The following SYCP2L variants were observed in gnomAD, a reference collection of about 807,000 sequenced individuals.
SYCP2L encodes synaptonemal complex protein 2-like.
In SYCP2L, 98 loss-of-function variants were observed where a neutral mutation model predicts 125.8. That is an observed-to-expected ratio of 0.78 (90% CI 0.66 to 0.92). SYCP2L has a LOEUF of 0.92. Ranked by LOEUF, SYCP2L falls within the 40% of genes least tolerant of loss-of-function variation. The probability of loss-of-function intolerance (pLI) is 0.00; values close to 1 mark genes in which losing one functional copy is unlikely to be tolerated. For synonymous variants in SYCP2L, 317 were observed against 325.4 expected, an observed-to-expected ratio of 0.97 and a Z score of 0.28; for missense variants, 842 against 936.4, an observed-to-expected ratio of 0.90 and a Z score of 1.32.
chr6:10,956,172 A>G lies in SYCP2L; in HGVS notation c.2093A>G (p.Glu698Gly), dbSNP rs1366267393. ...ACTTCATCCCTAGAAGTTGTGCCAGAGAACTTGAACGGTTCTGCCATTCTC... is the reference window on the plus strand; with the variant it reads ...ACTTCATCCCTAGAAGTTGTGCCAGGGAACTTGAACGGTTCTGCCATTCTC... ...ISTSSLEVVP[E>G]NLNGSAILPT... The change falls in exon 25 of 30, where the codon GAG becomes GGG. Residue 698 changes from glutamate (E) to glycine (G), a missense_variant. Physicochemically the swap from Glu to Gly is moderately conservative, Grantham distance 98. Coordinates refer to ENST00000283141, the MANE Select transcript of SYCP2L (RefSeq NM_001040274.3). The G allele has an allele frequency of 1.2e-6, 2 of 1,614,020 alleles. No homozygotes were observed. The highest frequency in any genetic ancestry group is 1.7e-6 in the Non-Finnish European group (2 of 1,179,980).
At chr6:10,897,313 C>G (rs1780273867) in intron 4 of SYCP2L, among the ~76,000 whole-genome samples, 1 of 152,036 alleles carries the variant, frequency 6.6e-6, no homozygotes, top group Admixed American at 6.5e-5. Context: ...CTTCTGAGAA[C>G]TTTCCAAATT....
At chr6:10,962,921 A>G (rs1003401322) in intron 28 of SYCP2L, among the ~76,000 whole-genome samples, 4 of 152,184 alleles carry the variant, frequency 2.6e-5, no homozygotes, top group Admixed American at 6.5e-5. Flanking sequence ...TATTATTACC[A>G]AAATAATTTT....
intron 28 of SYCP2L, 149 bp downstream of exon 28, chr6:10,961,707 C>G (rs899833657): frequency 9.7e-6 from 7 of 721,106 alleles, no homozygotes; most frequent in Admixed American, 8.0e-5. Flanking sequence ...TGGCACCTCC[C>G]TGAGGACAGA....
chr6:10,891,173 T>C (rs1219073665), intron 1 of SYCP2L, among the ~76,000 whole-genome samples: 1 of 152,202 alleles, frequency 6.6e-6, no homozygotes, highest in East Asian at 1.9e-4. Flanking sequence ...CTGAAAATGG[T>C]TTATTAGTTC....
chr6:10,928,128 A>G (rs1032294761), intron 17 of SYCP2L, among the ~76,000 whole-genome samples: 12 of 152,006 alleles, frequency 7.9e-5, no homozygotes, highest in Admixed American at 5.9e-4. Context: ...CGCAATCATC[A>G]CAGGGTCCTG....
rs778580919 is a variant in SYCP2L, at chr6:10,912,960, G to A, written c.1072+33G>A. The A allele has an allele frequency of 1.9e-6, 3 of 1,590,044 alleles. No individual in the cohort carries two copies. The Admixed American group carries it at 5.1e-5, about 27-fold the overall frequency. On this transcript the variant is annotated intron_variant, in intron 14 of 29. Transcript: ENST00000283141. This position sits in a 1 kb window ranked among gnomAD's most constrained non-coding sequence, Gnocchi z 4.1. ...GATACATTTAAACAACCCACGTCCAGTTCCAAATATTATTTCTGTTGTATA... is the reference window on the plus strand; with the variant it reads ...GATACATTTAAACAACCCACGTCCAATTCCAAATATTATTTCTGTTGTATA...
chr6:10,958,706 CTT>C, intron 25 of SYCP2L, 76 bp from the exon 26 acceptor site: 1 of 1,332,148 alleles, frequency 7.5e-7, no homozygotes, highest in East Asian at 2.4e-5. Context: ...CTGGCAGCAT[CTT>C]TTTAACACAA....
At chr6:10,942,899 A>G (rs1248778022) in intron 23 of SYCP2L, among the ~76,000 whole-genome samples, 153 bp downstream of exon 23, 3 of 151,848 alleles carry the variant, frequency 2.0e-5, no homozygotes. Context: ...GCTGCTTACT[A>G]GTTCTAAATG....
intron 21 of SYCP2L, among the ~76,000 whole-genome samples, chr6:10,941,918 C>T (rs565718607): frequency 0.015 from 2,227 of 151,930 alleles, 53 homozygotes; most frequent in African/African-American, 0.051. Flanking sequence ...TGTCCAACAA[C>T]GATAGACTGG....
rs761369599 is a variant in SYCP2L at position 10,903,095 on chromosome 6, A to G, written c.641+132A>G. ...TGGGTAAATGCTTTGTGCACCTATT[A>G]TGTGTCAGGCACTATGCTAGGTGAT... is the stretch of plus-strand genomic sequence containing the variant. On this transcript the variant is annotated intron_variant, in intron 8 of 29. Coordinates refer to ENST00000283141, the MANE Select transcript of SYCP2L (RefSeq NM_001040274.3). 5.5e-6 allele frequency: 4 copies of G among 729,696 alleles called. No individual in the cohort carries two copies. The African/African-American group carries it at 7.1e-5, about 13-fold the overall frequency. 45.2% of individuals were successfully genotyped at this position (729,696 alleles called of 1,614,324 possible).
At chr6:10,951,930 C>T (rs1781416927) in intron 23 of SYCP2L, among the ~76,000 whole-genome samples, 1 of 152,152 alleles carries the variant, frequency 6.6e-6, no homozygotes, top group Non-Finnish European at 1.5e-5. Flanking sequence ...AGTCGGCTAC[C>T]CAAGATAAGT....
In SYCP2L at chr6:10,935,167, A is replaced by T. The variant is rs1452704344; in HGVS notation, c.1793A>T (p.Glu598Val). ...GATAGTTTTGCTTTTTTGACTGCTG[A>T]AGATTCTGCCCAGAAAACAGGTACA... The part of the protein sequence containing the change: ...FQDSFAFLTA[E>V]DSAQKTELQD... The change falls in exon 21 of 30, where the codon GAA becomes GTA. Residue 598 changes from glutamate to valine, a missense_variant. Transcript: ENST00000283141. The T allele has an allele frequency of 6.2e-7, 1 of 1,612,796 alleles. No homozygotes were observed. The highest frequency in any genetic ancestry group is 8.5e-7 in the Non-Finnish European group (1 of 1,179,610).
chr6:10,901,584 C>A (rs151153164), intron 6 of SYCP2L, among the ~76,000 whole-genome samples: 1 of 152,230 alleles, frequency 6.6e-6, no homozygotes, highest in African/African-American at 2.4e-5. Flanking sequence ...TGCTGTCCTG[C>A]GCATCAGAGG....
chr6:10,913,712 T>C (rs1295357115), intron 14 of SYCP2L, among the ~76,000 whole-genome samples: 1 of 152,230 alleles, frequency 6.6e-6, no homozygotes, highest in Non-Finnish European at 1.5e-5. Context: ...GCAAAAGATC[T>C]TTAGTTTAAT....
intron 28 of SYCP2L, 24 bp downstream of exon 28, chr6:10,961,582 A>T: frequency 6.2e-7 from 1 of 1,613,060 alleles, no homozygotes; most frequent in Non-Finnish European, 8.5e-7. Flanking sequence ...TGTTCTTTCT[A>T]GAAGAATCTT....
chr6:10,908,405 G>A (rs962210029), intron 10 of SYCP2L, among the ~76,000 whole-genome samples: 2 of 152,140 alleles, frequency 1.3e-5, no homozygotes, highest in African/African-American at 4.8e-5. Flanking sequence ...GTTGTGTTGT[G>A]AGCCATCTGG....
intron 29 of SYCP2L, among the ~76,000 whole-genome samples, chr6:10,969,224 T>G (rs1402144708): frequency 6.6e-6 from 1 of 152,170 alleles, no homozygotes; most frequent in Non-Finnish European, 1.5e-5. Flanking sequence ...TAGTAGTTAT[T>G]TTTGCAAAAC....
chr6:10,969,107 T>C (rs1581848248), intron 29 of SYCP2L, among the ~76,000 whole-genome samples: 1 of 152,312 alleles, frequency 6.6e-6, no homozygotes, highest in African/African-American at 2.4e-5. Flanking sequence ...TATACAGATA[T>C]CCACTTGGGG....
chr6:10,933,166 C>T (rs1441789365), intron 20 of SYCP2L, among the ~76,000 whole-genome samples: 1 of 152,216 alleles, frequency 6.6e-6, no homozygotes, highest in Admixed American at 6.5e-5. Flanking sequence ...AAATATACTT[C>T]TCTCTGTATA....
Sources: gnomAD v4.1 joint callset for allele counts (sites outside exome capture counted in the v4.1 genomes callset) on GRCh38, gnomAD v4.1.1 for gene constraint, Gnocchi (gnomAD v3.1) non-coding constraint, MANE v1.5 for transcripts, NCBI Gene and HGNC (gene_info 2026-07-23, HGNC 2026-07-21) for gene names.